Variants in SAMD4A observed in about 807,000 individuals in gnomAD.
SAMD4A encodes protein Smaug homolog 1.
SAMD4A carries 33 observed loss-of-function variants against 81.3 expected under a neutral mutation model. The observed-to-expected ratio is 0.41, with a 90% CI of 0.31 to 0.54. The LOEUF is 0.54. Ranked by LOEUF, SAMD4A falls within the 20% of genes least tolerant of loss-of-function variation. The pLI is 0.37. For synonymous variants in SAMD4A, 389 were observed against 382.1 expected (o/e 1.02, Z -0.21); for missense variants, 854 against 951.1 (o/e 0.90, Z 1.34).
chr14:54,632,838 G>T (rs891544469), intron 2 of SAMD4A, among the ~76,000 whole-genome samples: 8 of 152,138 alleles, frequency 5.3e-5, no homozygotes, highest in Non-Finnish European at 8.8e-5. Flanking sequence ...TAACTCATAA[G>T]GTTGTTGTTA....
intron 3 of SAMD4A, among the ~76,000 whole-genome samples, chr14:54,724,063 G>A (rs1296883990): frequency 5.1e-5 from 4 of 78,670 alleles, no homozygotes; most frequent in African/African-American, 7.9e-5. Flanking sequence ...AATGCAGGAC[G>A]CATCTATTCA....
intron 4 of SAMD4A, among the ~76,000 whole-genome samples, chr14:54,739,394 C>G (rs1241759030): frequency 1.3e-5 from 2 of 151,990 alleles, no homozygotes; most frequent in Non-Finnish European, 2.9e-5. Flanking sequence ...AGGGGTGCAG[C>G]CAGAAAACAG....
intron 3 of SAMD4A, among the ~76,000 whole-genome samples, chr14:54,729,929 T>C (rs1432426051): frequency 6.6e-6 from 1 of 152,202 alleles, no homozygotes; most frequent in African/African-American, 2.4e-5. Flanking sequence ...TCATAAATAA[T>C]GACAATGTAA....
At chr14:54,692,249 T>C (rs1398140708) in intron 2 of SAMD4A, among the ~76,000 whole-genome samples, 3 of 152,190 alleles carry the variant, frequency 2.0e-5, no homozygotes, top group Non-Finnish European at 4.4e-5. Flanking sequence ...ATGTGTGCAC[T>C]CCAGCCCTTC....
At chr14:54,637,211 A>G (rs1011857865) in intron 2 of SAMD4A, among the ~76,000 whole-genome samples, 1 of 151,906 alleles carries the variant, frequency 6.6e-6, no homozygotes, top group Non-Finnish European at 1.5e-5. Flanking sequence ...CTAAAAATAC[A>G]AAAGTTAGTT....
chr14:54,783,316 A>G (rs2039049390), intron 11 of SAMD4A, among the ~76,000 whole-genome samples: 2 of 152,192 alleles, frequency 1.3e-5, no homozygotes, highest in African/African-American at 2.4e-5. Flanking sequence ...GGGAAGCATC[A>G]TCACTGTCTA....
At chr14:54,763,002 C>T (rs1245123695) in intron 7 of SAMD4A, among the ~76,000 whole-genome samples, 1 of 151,746 alleles carries the variant, frequency 6.6e-6, no homozygotes, top group African/African-American at 2.4e-5. Flanking sequence ...CTACAGGCGC[C>T]CGCCACCACG....
At position 54,792,734 on chromosome 14, in the gene SAMD4A, A is replaced by T. The variant is rs1387635534; in HGVS notation, c.*3790A>T. ...TTTTTTTTTTTACAAGTCATCAGAG[A>T]TGTTTGCAAAGTGAGTTTTATTTTT... On this transcript the variant is annotated 3_prime_UTR_variant, in exon 13 of 13. Coordinates refer to ENST00000554335, the MANE Select transcript of SAMD4A (RefSeq NM_015589.6). 6.6e-6 allele frequency: 1 copy of T among 151,714 alleles called. No individual in the cohort carries two copies. The highest frequency in any genetic ancestry group is 1.5e-5 in the Non-Finnish European group (1 of 67,950). The allele number at this position is 151,714 out of a possible 1,614,324, so 9.4% of individuals were successfully genotyped here.
intron 2 of SAMD4A, among the ~76,000 whole-genome samples, chr14:54,698,312 A>G (rs1370242395): frequency 6.6e-6 from 1 of 152,236 alleles, no homozygotes; most frequent in African/African-American, 2.4e-5. Context: ...ATTCTGTATC[A>G]TATAACTATA....
chr14:54,733,058 C>T (rs2359360), intron 3 of SAMD4A, among the ~76,000 whole-genome samples: 93,212 of 151,914 alleles, frequency 0.61, 29,627 homozygotes, highest in Non-Finnish European at 0.7. Flanking sequence ...AAAGAGTTCT[C>T]ATTAAAGATG....
At chr14:54,684,670 C>T (rs2036215028) in intron 2 of SAMD4A, among the ~76,000 whole-genome samples, 2 of 142,030 alleles carry the variant, frequency 1.4e-5, no homozygotes, top group Admixed American at 7.4e-5. Flanking sequence ...GGGTGCCGCC[C>T]CCTCCCCCAG....
intron 2 of SAMD4A, among the ~76,000 whole-genome samples, chr14:54,649,161 T>A (rs908786954): frequency 6.6e-6 from 1 of 152,196 alleles, no homozygotes; most frequent in African/African-American, 2.4e-5. Context: ...GCCCGTTAGA[T>A]GTCCTAGTGA....
intron 2 of SAMD4A, among the ~76,000 whole-genome samples, chr14:54,583,641 AT>A: frequency 6.6e-6 from 1 of 152,084 alleles, no homozygotes; most frequent in East Asian, 1.9e-4. Context: ...GCTCAGTTAC[AT>A]TTTTTACTAA....
intron 12 of SAMD4A, among the ~76,000 whole-genome samples, chr14:54,787,723 A>C (rs1459666326): frequency 6.6e-6 from 1 of 152,206 alleles, no homozygotes; most frequent in Non-Finnish European, 1.5e-5. Flanking sequence ...CTCACTGGAA[A>C]AAATCCTTGT....
At chr14:54,772,807 G>A (rs917887561) in intron 9 of SAMD4A, among the ~76,000 whole-genome samples, 8 of 148,468 alleles carry the variant, frequency 5.4e-5, no homozygotes, top group South Asian at 4.3e-4. Context: ...ACTAGTTTTC[G>A]TCATTAAAAA....
intron 8 of SAMD4A, among the ~76,000 whole-genome samples, chr14:54,769,512 C>G (rs909298838): frequency 5.3e-5 from 8 of 152,162 alleles, no homozygotes; most frequent in African/African-American, 1.9e-4. Flanking sequence ...GGCATCAGAC[C>G]TACATACTTC....
At chr14:54,566,510 G>C (rs1008818602), upstream of SAMD4A, among the ~76,000 whole-genome samples, 2 of 151,766 alleles carry the variant, frequency 1.3e-5, no homozygotes, top group Admixed American at 6.6e-5. Context: ...ATGGGACTGG[G>C]GGAACCCCCG....
chr14:54,719,015 A>AG (rs1190192476), intron 3 of SAMD4A, among the ~76,000 whole-genome samples: 1 of 151,188 alleles, frequency 6.6e-6, no homozygotes, highest in Non-Finnish European at 1.5e-5. Flanking sequence ...AAAAAAAAAA[A>AG]GAAAAAAAAG....
chr14:54,628,066 T>G (rs2034807261), intron 2 of SAMD4A, among the ~76,000 whole-genome samples: 1 of 152,136 alleles, frequency 6.6e-6, no homozygotes, highest in South Asian at 2.1e-4. Flanking sequence ...CTTGGTGGTC[T>G]CGGGCCTTGA....
Sources: allele counts gnomAD v4.1 joint callset (sites outside exome capture counted in the v4.1 genomes callset), GRCh38; gene constraint gnomAD v4.1.1; transcripts MANE v1.5; gene names NCBI Gene and HGNC (gene_info 2026-07-23, HGNC 2026-07-21).